CCDC39: variants seen among roughly 807,000 people sequenced by gnomAD.
CCDC39 encodes coiled-coil domain-containing protein 39.
A neutral mutation model predicts 121.0 loss-of-function variants in CCDC39; 113 were observed. The ratio of observed to expected loss-of-function variants is 0.93; its 90% confidence interval spans 0.80 to 1.09. The LOEUF is 1.09. Among genes scored for constraint, CCDC39 ranks in the 50% least tolerant of loss-of-function variants. CCDC39 has a pLI of 0.00. For missense variants in CCDC39, 1,063 were observed against 1,074.7 expected (o/e 0.99, Z 0.15); for synonymous variants, 349 against 352.2 (o/e 0.99, Z 0.10).
intron 14 of CCDC39, among the ~76,000 whole-genome samples, chr3:180,625,334 T>C (rs191350905): frequency 6.6e-6 from 1 of 151,892 alleles, no homozygotes; most frequent in African/African-American, 2.4e-5. Context: ...CTTTTGCTTG[T>C]GTAGTCTATT....
intron 1 of CCDC39, among the ~76,000 whole-genome samples, chr3:180,664,315 TA>T (rs907949122): frequency 6.6e-6 from 1 of 152,140 alleles, no homozygotes; most frequent in Non-Finnish European, 1.5e-5. Context: ...TGTCTTTTCT[TA>T]AAAGAGCACC....
chr3:180,648,386 T>G, intron 9 of CCDC39, 27 bp from the exon 10 acceptor site: 1 of 1,338,188 alleles, frequency 7.5e-7, no homozygotes. Context: ...TAGTGATTAA[T>G]GGAATTAAAT....
In CCDC39 at chr3:180,664,758, C is replaced by T. The variant is rs113682523; in HGVS notation, c.91-772G>A. ...TCACCCAGGCTGGAGTGCAGTGGCG[C>T]GATCTCGGCTCACTGTAACCTCTGC... On this transcript the variant is annotated intron_variant, in intron 1 of 19. Transcript: ENST00000476379. Among the ~76,000 whole-genome samples the T allele has an allele frequency of 1.9e-3, 291 of 150,798 alleles. 1 individual carries two copies. Among genetic ancestry groups the T allele is most frequent in the African/African-American group, 6.9e-3 (280 of 40,796 alleles).
Position 180,654,808 on chromosome 3 carries a change from G to A in CCDC39, c.884C>T (p.Thr295Met), listed in dbSNP as rs1182604379. The A allele has an allele frequency of 2.2e-5, 35 of 1,610,326 alleles. No individual in the cohort carries two copies. The highest frequency in any genetic ancestry group is 7.7e-5 in the South Asian group (7 of 90,346). Residue 295 changes from threonine to methionine, a missense_variant, in exon 7 of 20, where the codon ACG becomes ATG. Thr to Met is a moderately conservative substitution (Grantham distance 81). Coordinates refer to ENST00000476379, the MANE Select transcript of CCDC39 (RefSeq NM_181426.2). ...VADRKLLKCR[T>M]AYQDHETSRI... ...ACTAGTTTCATGGTCCTGATATGCC[G>A]TTCTACATTTTAAAAGTTTACGATC...
At chr3:180,625,753 G>A (rs1258680528) in intron 14 of CCDC39, among the ~76,000 whole-genome samples, 1 of 151,996 alleles carries the variant, frequency 6.6e-6, no homozygotes, top group Non-Finnish European at 1.5e-5. Context: ...CACAGGTTCA[G>A]TGGTATCTGT....
chr3:180,645,118 A>AAC (rs1332901949), intron 11 of CCDC39, among the ~76,000 whole-genome samples: 2 of 152,094 alleles, frequency 1.3e-5, no homozygotes, highest in African/African-American at 4.8e-5. Flanking sequence ...TCATCTCTAA[A>AAC]TGGAGATGAG....
chr3:180,642,355 T>G (rs1717976201), intron 12 of CCDC39, among the ~76,000 whole-genome samples, 154 bp from the exon 13 acceptor site: 1 of 148,298 alleles, frequency 6.7e-6, no homozygotes, highest in South Asian at 2.1e-4. Flanking sequence ...TGATCATAGT[T>G]TTTTTTTTTC....
At chr3:180,646,965 T>C in intron 11 of CCDC39, 114 bp downstream of exon 11, 1 of 840,030 alleles carries the variant, frequency 1.2e-6, no homozygotes, top group African/African-American at 1.7e-5. Flanking sequence ...ATACATTTGT[T>C]ATATATGTGT....
chr3:180,623,075 AT>A (rs568674756), intron 14 of CCDC39, among the ~76,000 whole-genome samples: 1 of 122,520 alleles, frequency 8.2e-6, no homozygotes, highest in Non-Finnish European at 1.6e-5. Context: ...TTGTTTGGAG[AT>A]TTTTATTATT....
At chr3:180,632,946 C>G (rs551991202) in intron 13 of CCDC39, among the ~76,000 whole-genome samples, 1 of 152,220 alleles carries the variant, frequency 6.6e-6, no homozygotes, top group East Asian at 1.9e-4. Flanking sequence ...TACCACAGTT[C>G]CTAGCATGTA....
intron 1 of CCDC39, among the ~76,000 whole-genome samples, chr3:180,676,411 A>T (rs1296586795): frequency 5.3e-5 from 8 of 152,278 alleles, no homozygotes; most frequent in Non-Finnish European, 1.0e-4. Context: ...ATCACTGGCC[A>T]TCAGAGAAAT....
chr3:180,661,980 TCTCACGCTCC>T lies in CCDC39; in HGVS notation c.228_237del (p.Glu77LeufsTer18). ...GCCTTAAAATGTTCTTCACTTTCAG[TCTCACGCTCC>T]CTTGCTTTGCAAAGAGACTACAGAA... On this transcript the variant is annotated frameshift_variant, in exon 3 of 20. Coordinates refer to ENST00000476379, the MANE Select transcript of CCDC39 (RefSeq NM_181426.2). LOFTEE classifies it high-confidence loss of function. 6.4e-7 allele frequency: 1 copy of T among 1,554,474 alleles called. No individual in the cohort carries two copies.
At chr3:180,677,489 A>G (rs1040541000) in intron 1 of CCDC39, among the ~76,000 whole-genome samples, 15 of 151,808 alleles carry the variant, frequency 9.9e-5, no homozygotes, top group African/African-American at 3.1e-4. Flanking sequence ...AATGTGTAAG[A>G]GTGCTAACTT....
chr3:180,667,176 C>T (rs1307376259), intron 1 of CCDC39, among the ~76,000 whole-genome samples: 3 of 151,982 alleles, frequency 2.0e-5, no homozygotes, highest in Non-Finnish European at 4.4e-5. Context: ...AGTCTTCTAC[C>T]CAGTCAAACT....
chr3:180,639,360 A>G (rs979873646), intron 13 of CCDC39, among the ~76,000 whole-genome samples: 1 of 152,144 alleles, frequency 6.6e-6, no homozygotes, highest in Non-Finnish European at 1.5e-5. Flanking sequence ...TATTCAAACT[A>G]TGACTGGAAG....
At chr3:180,661,288 T>C (rs1398795045) in intron 3 of CCDC39, among the ~76,000 whole-genome samples, 1 of 151,990 alleles carries the variant, frequency 6.6e-6, no homozygotes, top group African/African-American at 2.4e-5. Flanking sequence ...GAGACAACTA[T>C]ATAAACAAAT....
At chr3:180,673,580 T>C (rs1173772743) in intron 1 of CCDC39, among the ~76,000 whole-genome samples, 1 of 152,200 alleles carries the variant, frequency 6.6e-6, no homozygotes, top group Non-Finnish European at 1.5e-5. Flanking sequence ...AAACATAACT[T>C]TTACATGCAC....
chr3:180,653,530 G>C (rs1576946642), intron 7 of CCDC39, among the ~76,000 whole-genome samples: 2 of 152,162 alleles, frequency 1.3e-5, no homozygotes, highest in East Asian at 3.9e-4. Flanking sequence ...TATTTAGGTT[G>C]ACAGATTCAA....
In CCDC39 at chr3:180,661,738, G is replaced by T. The variant is rs564214318; in HGVS notation, c.357+123C>A. On this transcript the variant is annotated intron_variant, in intron 3 of 19. Transcript: ENST00000476379. ...GTGCCTTTCACTGTCCAAAAAATAC[G>T]TAAGTAAACACTAGGAAACTAATGT... The T allele has an allele frequency of 9.2e-5, 73 of 789,650 alleles. 1 individual carries two copies. In the South Asian group the frequency reaches 1.3e-3, roughly 15 times the overall value. The allele number at this position is 789,650 out of a possible 1,614,324, so 48.9% of individuals were successfully genotyped here.
Sources: allele counts gnomAD v4.1 joint callset (sites outside exome capture counted in the v4.1 genomes callset), GRCh38; gene constraint gnomAD v4.1.1; transcripts MANE v1.5; gene names NCBI Gene and HGNC (gene_info 2026-07-23, HGNC 2026-07-21).